ZNF674: variants seen among roughly 807,000 people sequenced by gnomAD.
ZNF674 encodes the protein zinc finger family member 674.
A neutral mutation model predicts 7.0 loss-of-function variants in ZNF674; 2 were observed. The observed-to-expected ratio is 0.29, with a 90% confidence interval of 0.12 to 0.90. ZNF674 has a LOEUF of 0.90. Among genes scored for constraint, ZNF674 ranks in the 40% least tolerant of loss-of-function variants. The pLI, the probability that ZNF674 is intolerant of heterozygous loss-of-function variation, is 0.57. For synonymous variants in ZNF674, 103 were observed against 145.2 expected, an observed-to-expected ratio of 0.71 and a Z score of 2.09; for missense variants, 297 against 415.5, an observed-to-expected ratio of 0.71 and a Z score of 2.48.
At chrX:46,535,171 G>A (rs1043010031) in intron 3 of ZNF674, among the ~76,000 whole-genome samples, 1 of 108,462 alleles carries the variant, frequency 9.2e-6, no homozygotes. Flanking sequence ...TTGGAGACAG[G>A]GTTTTGCTGT....
In ZNF674 at chrX:46,497,835, G is replaced by T. The variant is rs773138120; in HGVS notation, c.*2008C>A. 9.9e-5 allele frequency: 11 copies of T among 110,926 alleles called. No individual in the cohort carries two copies. Among genetic ancestry groups the T allele is most frequent in the African/African-American group, 3.3e-4 (10 of 30,563 alleles). 9.1% of individuals were successfully genotyped at this position (110,926 alleles called of 1,213,427 possible). ...ATGCCAATTTACTTAATAATTTGGT[G>T]TATTTCTTTCCTAGCTTTTTCCCTC... On this transcript the variant is annotated 3_prime_UTR_variant, in exon 6 of 6. Transcript: ENST00000683375.
chrX:46,530,069 G>A (rs1306150827), intron 3 of ZNF674, among the ~76,000 whole-genome samples: 1 of 111,791 alleles, frequency 8.9e-6, no homozygotes, highest in East Asian at 2.8e-4. Context: ...TTCTACAAGT[G>A]CCCCCAATTC....
intron 5 of ZNF674, among the ~76,000 whole-genome samples, chrX:46,527,316 T>C (rs935438795): frequency 9.4e-6 from 1 of 106,871 alleles, no homozygotes; most frequent in Non-Finnish European, 1.9e-5. Flanking sequence ...CAAAGAAAAA[T>C]GGCAAAAGAT....
intron 3 of ZNF674, among the ~76,000 whole-genome samples, chrX:46,533,032 T>C (rs1402064924): frequency 9.7e-6 from 1 of 102,847 alleles, no homozygotes; most frequent in Non-Finnish European, 2.0e-5. Context: ...GGCCACAAGG[T>C]TAGGAGGATA....
At chrX:46,509,371 A>G (rs1941603421) in intron 5 of ZNF674, among the ~76,000 whole-genome samples, 1 of 111,212 alleles carries the variant, frequency 9.0e-6, no homozygotes, top group Non-Finnish European at 1.9e-5. Flanking sequence ...ATGGGAGAAC[A>G]TTTTCGCAAC....
intron 3 of ZNF674, among the ~76,000 whole-genome samples, chrX:46,541,013 G>A (rs1279464879): frequency 6.7e-5 from 7 of 104,240 alleles, no homozygotes; most frequent in Non-Finnish European, 1.4e-4. Flanking sequence ...GCAGTGAGCC[G>A]AGATCACGCC....
rs758505232 is a variant in ZNF674 at position 46,500,401 on chromosome X, TC to T, written c.1172del (p.Gly391GlufsTer89). 7.4e-6 allele frequency: 9 copies of T among 1,208,636 alleles called. No homozygotes were observed. The highest frequency in any genetic ancestry group is 8.9e-6 in the Non-Finnish European group (8 of 893,926). On this transcript the variant is annotated frameshift_variant, in exon 6 of 6. Transcript: ENST00000683375. LOFTEE classifies it low-confidence loss of function (END_TRUNC). ...ECSKCGKSFR[G>X]KSHLSVHQRI... Reference sequence around the variant, plus strand: ...TCTGATGAACAGAGAGGTGTGACTTTCCTCTGAAGCTTTTCCCACATTTACT... The same window carrying T: ...TCTGATGAACAGAGAGGTGTGACTTTCTCTGAAGCTTTTCCCACATTTACT...
intron 3 of ZNF674, among the ~76,000 whole-genome samples, chrX:46,540,759 T>C (rs1461480433): frequency 1.8e-5 from 2 of 111,363 alleles, no homozygotes; most frequent in Non-Finnish European, 3.8e-5. Flanking sequence ...TGAGGTACTG[T>C]ATACAATAGT....
chrX:46,508,200 T>C (rs943584883), intron 5 of ZNF674, among the ~76,000 whole-genome samples: 1 of 111,618 alleles, frequency 9.0e-6, no homozygotes, highest in Admixed American at 9.6e-5. Flanking sequence ...TTTTAAATGA[T>C]AAAAACTGAC....
intron 1 of ZNF674, 137 bp downstream of exon 1, chrX:46,545,234 C>G (rs1272575733): frequency 4.5e-5 from 5 of 111,226 alleles, no homozygotes; most frequent in African/African-American, 1.6e-4. Context: ...ACACTCACGC[C>G]CACCGCCTGT....
Position 46,528,831 on chromosome X carries a change from G to A in ZNF674, c.94C>T (p.Leu32Phe). Residue 32 changes from leucine (L) to phenylalanine (F), a missense_variant, in exon 4 of 6, where the codon CTC becomes TTC. Transcript: ENST00000683375. ...TTCTCAAGCATGACATCCCTGTAGA[G>A]GTTCTTCTGGGCAGAGTCCAGTTGC... ...WQQLDSAQKN[L>F]YRDVMLENYS... 2 of 1,211,529 alleles carry A rather than the reference G, an allele frequency of 1.7e-6. No homozygotes were observed. The highest frequency in any genetic ancestry group is 2.2e-6 in the Non-Finnish European group (2 of 895,465).
intron 5 of ZNF674, 70 bp downstream of exon 5, chrX:46,528,280 C>A (rs2146609744): frequency 9.3e-7 from 1 of 1,070,520 alleles, no homozygotes; most frequent in East Asian, 3.0e-5. Context: ...TGAGCACATC[C>A]CAGAGGCCAA....
At chrX:46,539,226 C>T (rs1264768444) in intron 3 of ZNF674, among the ~76,000 whole-genome samples, 1 of 112,343 alleles carries the variant, frequency 8.9e-6, no homozygotes, top group African/African-American at 3.2e-5. Context: ...ACACTAATTT[C>T]AGGAAATGTG....
intron 5 of ZNF674, among the ~76,000 whole-genome samples, chrX:46,524,036 C>A (rs1363552805): frequency 1.9e-5 from 2 of 107,236 alleles, no homozygotes; most frequent in African/African-American, 6.8e-5. Context: ...GAGCAAAACT[C>A]CATCTCAAAA....
intron 1 of ZNF674, among the ~76,000 whole-genome samples, chrX:46,544,918 C>G (rs1385726510): frequency 9.0e-6 from 1 of 111,332 alleles, no homozygotes; most frequent in Non-Finnish European, 1.9e-5. Context: ...TCTCAAATTC[C>G]CAGCTCCAGA....
Position 46,525,730 on chromosome X carries a change from T to C in ZNF674, c.238+2620A>G, listed in dbSNP as rs1005032986. On this transcript the variant is annotated intron_variant, in intron 5 of 5. Transcript: ENST00000683375. ...TGTTTACATAGGAAATGTCAAGCTA[T>C]CTACAAAAAAGTTACAAGCTATCTA... 3.6e-5 allele frequency among the ~76,000 whole-genome samples: 4 copies of C among 110,011 alleles called. No homozygotes were observed. The Admixed American group carries it at 3.9e-4, about 11-fold the overall frequency.
chrX:46,513,322 A>G (rs1941700160), intron 5 of ZNF674, among the ~76,000 whole-genome samples: 1 of 112,564 alleles, frequency 8.9e-6, no homozygotes, highest in Admixed American at 9.4e-5. Flanking sequence ...AGAAGAGGAA[A>G]TCTAACTAGT....
At chrX:46,509,296 A>G (rs1305345730) in intron 5 of ZNF674, among the ~76,000 whole-genome samples, 1 of 107,791 alleles carries the variant, frequency 9.3e-6, no homozygotes, top group Non-Finnish European at 1.9e-5. Flanking sequence ...ATGGGATCTA[A>G]TTAAACTAAA....
Position 46,501,085 on chromosome X carries a change from T to C in ZNF674, c.489A>G (p.Arg163=). The C allele has an allele frequency of 8.3e-7, 1 of 1,207,722 alleles. No individual in the cohort carries two copies. The highest frequency in any genetic ancestry group is 1.1e-6 in the Non-Finnish European group (1 of 892,906). ...ATGCCTTACATCCATCATCTTTCTTTCTTACATAGCTTCTATTTTGACCAA... is the reference window on the plus strand; with the variant it reads ...ATGCCTTACATCCATCATCTTTCTTCCTTACATAGCTTCTATTTTGACCAA... ...NFLGQNRSYV[R]KKDDGCKAYW... The change falls in exon 6 of 6, where the codon AGA becomes AGG. Residue 163 remains arginine (R), a synonymous_variant. Transcript: ENST00000683375.
Sources: gnomAD v4.1 joint callset for allele counts (sites outside exome capture counted in the v4.1 genomes callset) on GRCh38, gnomAD v4.1.1 for gene constraint, MANE v1.5 for transcripts, NCBI Gene and HGNC (gene_info 2026-07-23, HGNC 2026-07-21) for gene names.